The following UNC13D variants were observed in gnomAD, a reference collection of about 807,000 sequenced individuals.
UNC13D encodes the protein unc-13 homolog D, also known as protein unc-13 homolog D.
Under a neutral mutation model 151.7 loss-of-function variants are expected in UNC13D, and 115 were observed. The ratio of observed to expected loss-of-function variants is 0.76; its 90% confidence interval spans 0.65 to 0.88. The LOEUF is 0.88. UNC13D is among the 40% of genes least tolerant of loss of function. The pLI is 0.00. For synonymous variants in UNC13D, 588 were observed against 612.2 expected (o/e 0.96, Z 0.58); for missense variants, 1,369 against 1,438.7 (o/e 0.95, Z 0.78).
Position 75,839,871 on chromosome 17 carries a change from C to T in UNC13D, c.1023G>A (p.Gln341=). The T allele has an allele frequency of 6.2e-7, 1 of 1,613,932 alleles. No individual in the cohort carries two copies. The highest frequency in any genetic ancestry group is 1.3e-5 in the African/African-American group (1 of 75,038). Residue 341 remains glutamine, a synonymous_variant, in exon 12 of 32, where the codon CAG becomes CAA. Transcript: ENST00000207549. ...AATVLFLHAT[Q]KDLSDFHQSM... ...ACTGGTGGAAGTCGGATAGGTCCTT[C>T]TGTGTGGCGTGCAGAAAGAGGACGG...
Position 75,843,510 on chromosome 17 carries a change from G to C in UNC13D, c.127C>G (p.Pro43Ala). 3 of 1,611,646 alleles carry C rather than the reference G, an allele frequency of 1.9e-6. No individual in the cohort carries two copies. Among genetic ancestry groups the C allele is most frequent in the Non-Finnish European group, 2.5e-6 (3 of 1,179,444 alleles). ...TGCTCGGGGGAGAAGTGGTGGGATG[G>C]AGGCTGGATCTGCAGAGCAAGGTGG... Reference protein sequence around the residue: ...PPQMAPEIQPPSHHFSPEQRA... With the variant: ...PPQMAPEIQPASHHFSPEQRA... Residue 43 changes from proline (P) to alanine (A), a missense_variant, in exon 2 of 32, where the codon CCA becomes GCA. Pro to Ala is a conservative substitution (Grantham distance 27, BLOSUM62 -1). Coordinates refer to ENST00000207549, the MANE Select transcript of UNC13D (RefSeq NM_199242.3).
chr17:75,827,606 AG>A lies in UNC13D; in HGVS notation c.*358del. 1 of 1,532,118 alleles carries A rather than the reference AG, an allele frequency of 6.5e-7. No homozygotes were observed. The highest frequency in any genetic ancestry group is 8.7e-7 in the Non-Finnish European group (1 of 1,146,666). 94.9% of individuals were successfully genotyped at this position (1,532,118 alleles called of 1,614,324 possible). A position where few individuals can be genotyped will look rare whatever the true frequency, so the allele number is the denominator to read the frequency against. On this transcript the variant is annotated 3_prime_UTR_variant, in exon 32 of 32. Transcript: ENST00000207549. ...TGGCCCCCACCCCAGTGGCTGGAAC[AG>A]GAAGGCCAGGAGGCAGATGGGCCAG...
chr17:75,827,659 C>T lies in UNC13D; in HGVS notation c.*306G>A, dbSNP rs577926466. The stretch of plus-strand genomic sequence containing the variant: ...GCCAGGAGACAGATGGCCCAATCCC[C>T]TGCCCACCACAGCAGCTTTTCTGAG... On this transcript the variant is annotated 3_prime_UTR_variant, in exon 32 of 32. Transcript: ENST00000207549. The T allele has an allele frequency of 6.5e-6, 10 of 1,529,972 alleles. No individual in the cohort carries two copies. The South Asian group carries it at 1.1e-4, about 16-fold the overall frequency. 94.8% of individuals were successfully genotyped at this position (1,529,972 alleles called of 1,614,324 possible). A position where few individuals can be genotyped will look rare whatever the true frequency, so the allele number is the denominator to read the frequency against.
In UNC13D at chr17:75,836,119, C is replaced by G; in HGVS notation, c.1447-10G>C. 2.5e-6 allele frequency: 4 copies of G among 1,613,096 alleles called. No homozygotes were observed. Among genetic ancestry groups the G allele is most frequent in the Non-Finnish European group, 2.5e-6 (3 of 1,180,024 alleles). ...CTGCCTCCGGGATGCCCTGCAGAGA[C>G]AGAGGTGGGCTGGGCAGGGCTGCCA... On this transcript the variant is annotated splice_polypyrimidine_tract_variant and intron_variant, in intron 16 of 31. Coordinates refer to ENST00000207549, the MANE Select transcript of UNC13D (RefSeq NM_199242.3).
chr17:75,832,800 T>G lies in UNC13D; in HGVS notation c.2447+166A>C, dbSNP rs1171621948. On this transcript the variant is annotated intron_variant, in intron 25 of 31. Transcript: ENST00000207549. This position sits in a 1 kb window ranked among gnomAD's most constrained non-coding sequence, Gnocchi z 4.3. ...CACCTCCACCCCTCAGAACGGATGCTGAGGCCCAGGAAAGAGGGGCCGTGG... is the reference window on the plus strand; with the variant it reads ...CACCTCCACCCCTCAGAACGGATGCGGAGGCCCAGGAAAGAGGGGCCGTGG... 1 of 657,404 alleles carries G rather than the reference T, an allele frequency of 1.5e-6. No individual in the cohort carries two copies. Among genetic ancestry groups the G allele is most frequent in the Non-Finnish European group, 2.7e-6 (1 of 366,744 alleles). 40.7% of individuals were successfully genotyped at this position (657,404 alleles called of 1,614,324 possible). A position where few individuals can be genotyped will look rare whatever the true frequency, so the allele number is the denominator to read the frequency against.
Position 75,844,230 on chromosome 17 carries a change from C to T in UNC13D, c.108G>A (p.Met36Ile). ...VRDLQDPPPQMAPEIQPPSHH... is the reference protein window; with the variant it reads ...VRDLQDPPPQIAPEIQPPSHH... Reference sequence around the variant, plus strand: ...GTGAGGTCACTCCTACCTCCGGGGCCATTTGGGGCGGGGGATCCTGTAGAT... The same window carrying T: ...GTGAGGTCACTCCTACCTCCGGGGCTATTTGGGGCGGGGGATCCTGTAGAT... The change falls in exon 1 of 32, where the codon ATG becomes ATA. Residue 36 changes from methionine to isoleucine, a missense_variant. Transcript: ENST00000207549. 6.2e-7 allele frequency: 1 copy of T among 1,612,002 alleles called. No homozygotes were observed. The highest frequency in any genetic ancestry group is 1.7e-4 in the Middle Eastern group (1 of 6,056).
At position 75,827,358 on chromosome 17, in the gene UNC13D, G is replaced by A; in HGVS notation, c.*607C>T. On this transcript the variant is annotated 3_prime_UTR_variant, in exon 32 of 32. Transcript: ENST00000207549. Reference sequence around the variant, plus strand: ...CTGTCCTTTCTGCTTCCGTCTGTCTGTGCCAGCCCTGCCGCCTGCCAGCTC... The same window carrying A: ...CTGTCCTTTCTGCTTCCGTCTGTCTATGCCAGCCCTGCCGCCTGCCAGCTC... The A allele has an allele frequency of 8.1e-7, 1 of 1,232,386 alleles. No homozygotes were observed. The allele number at this position is 1,232,386 out of a possible 1,614,324, so 76.3% of individuals were successfully genotyped here.
rs200621516 is a variant in UNC13D, at chr17:75,835,439, C to T, written c.1818G>A (p.Ala606=). 5.0e-5 allele frequency: 81 copies of T among 1,612,928 alleles called. No homozygotes were observed. In the East Asian group the frequency reaches 1.3e-3, roughly 25 times the overall value. The change falls in exon 20 of 32, where the codon GCG becomes GCA. Residue 606 remains alanine, a synonymous_variant. Transcript: ENST00000207549. ...WLQKTYNEAL[A]RVQRAVQMDE... is the part of the protein sequence containing the mutation. ...CCATCTGCACAGCGCGCTGCACCCG[C>T]GCCAGGGCCTCGTTGTACGTCTTCT...
rs1314365989 is a variant in UNC13D at position 75,827,318 on chromosome 17, G to C, written c.*647C>G. 1.2e-5 allele frequency: 10 copies of C among 829,998 alleles called. No homozygotes were observed. Among genetic ancestry groups the C allele is most frequent in the Non-Finnish European group, 1.7e-5 (10 of 585,800 alleles). 51.4% of individuals were successfully genotyped at this position (829,998 alleles called of 1,614,324 possible). ...GTCCGGGGAGGGGGCGTGCGCAGCAGACACAGCAGCCAAACTGTCCTTTCT... is the reference window on the plus strand; with the variant it reads ...GTCCGGGGAGGGGGCGTGCGCAGCACACACAGCAGCCAAACTGTCCTTTCT... On this transcript the variant is annotated 3_prime_UTR_variant, in exon 32 of 32. Coordinates refer to ENST00000207549, the MANE Select transcript of UNC13D (RefSeq NM_199242.3).
Position 75,833,444 on chromosome 17 carries a change from T to TA in UNC13D, c.2368-400_2368-399insT, listed in dbSNP as rs1348178199. On this transcript the variant is annotated intron_variant, in intron 24 of 31. Transcript: ENST00000207549. This position sits in a 1 kb window ranked among gnomAD's most constrained non-coding sequence, Gnocchi z 4.0. ...CTCTGACACTTCTCAGCCGCTTCTC[T>TA]GTTTTAAATTTTCTCTGTAGACTTA... Among the ~76,000 whole-genome samples the TA allele has an allele frequency of 2.0e-5, 3 of 149,558 alleles. No individual in the cohort carries two copies. The highest frequency in any genetic ancestry group is 5.1e-5 in the African/African-American group (2 of 39,184).
Position 75,831,348 on chromosome 17 carries a change from G to C in UNC13D, c.2448C>G (p.Ser816Arg), listed in dbSNP as rs1567817198. The change falls in exon 26 of 32, where the codon AGC becomes AGG. Residue 816 changes from serine to arginine, a missense_variant and splice_region_variant. Ser to Arg is a moderately radical substitution (Grantham distance 110). Around this residue, in one of 3 missense-constraint regions of UNC13D, gnomAD observed 807 missense variants for 795.5 expected, o/e 1.01. Transcript: ENST00000207549. ...TGTGGGTCCAGAGCAGGGTCAGGAG[G>C]CTGGGGCGGGGCCGGAGGGATGCGG... The part of the protein sequence containing the change: ...NTNLVQENFS[S>R]LLTLLWTHTL... 5 of 1,594,396 alleles carry C rather than the reference G, an allele frequency of 3.1e-6. No homozygotes were observed. The highest frequency in any genetic ancestry group is 1.1e-5 in the South Asian group (1 of 90,836).
chr17:75,833,416 A>G lies in UNC13D; in HGVS notation c.2368-371T>C, dbSNP rs1599406048. 4.2e-6 allele frequency: 1 copy of G among 238,104 alleles called. No individual in the cohort carries two copies. Among genetic ancestry groups the G allele is most frequent in the East Asian group, 8.9e-5 (1 of 11,222 alleles). 14.7% of individuals were successfully genotyped at this position (238,104 alleles called of 1,614,324 possible). A position where few individuals can be genotyped will look rare whatever the true frequency, so the allele number is the denominator to read the frequency against. ...TCCCTGGCCACCATCTAAAAATACAACCCTCTGACACTTCTCAGCCGCTTC... is the reference window on the plus strand; with the variant it reads ...TCCCTGGCCACCATCTAAAAATACAGCCCTCTGACACTTCTCAGCCGCTTC... On this transcript the variant is annotated intron_variant, in intron 24 of 31. Transcript: ENST00000207549. This position sits in a 1 kb window ranked among gnomAD's most constrained non-coding sequence, Gnocchi z 4.0.
chr17:75,840,725 GC>G lies in UNC13D; in HGVS notation c.683+36del, dbSNP rs2064941881. 1.9e-6 allele frequency: 3 copies of G among 1,613,284 alleles called. No homozygotes were observed. The highest frequency in any genetic ancestry group is 1.1e-5 in the South Asian group (1 of 91,066). ...TGTTGGGGGATGGAGGGCAAAAGGAGCCCCAACCCCTTCCCTGTGAGCCCTG... is the reference window on the plus strand; with the variant it reads ...TGTTGGGGGATGGAGGGCAAAAGGAGCCCAACCCCTTCCCTGTGAGCCCTG... On this transcript the variant is annotated intron_variant, in intron 8 of 31. Transcript: ENST00000207549. This position sits in a 1 kb window ranked among gnomAD's most constrained non-coding sequence, Gnocchi z 4.6.
At chr17:75,828,700 C>T in intron 31 of UNC13D, 87 bp downstream of exon 31, 2 of 1,375,266 alleles carry the variant, frequency 1.5e-6, no homozygotes, top group Non-Finnish European at 1.9e-6. Flanking sequence ...AAGCTGTTCT[C>T]CGACCCTGGC....
chr17:75,840,121 G>A lies in UNC13D; in HGVS notation c.859-11C>T. On this transcript the variant is annotated splice_polypyrimidine_tract_variant and intron_variant, in intron 10 of 31. Coordinates refer to ENST00000207549, the MANE Select transcript of UNC13D (RefSeq NM_199242.3). This position sits in a 1 kb window ranked among gnomAD's most constrained non-coding sequence, Gnocchi z 4.6. The stretch of plus-strand genomic sequence containing the variant: ...GGCCGAAGTGGCTCTCTGCAATGAG[G>A]CCTCTGTGAGCAGACAGGGCCTCAC... 6.2e-7 allele frequency: 1 copy of A among 1,612,358 alleles called. No individual in the cohort carries two copies. The highest frequency in any genetic ancestry group is 8.5e-7 in the Non-Finnish European group (1 of 1,179,616).
chr17:75,843,604 C>T, intron 1 of UNC13D, 85 bp from the exon 2 acceptor site: 1 of 1,568,876 alleles, frequency 6.4e-7, no homozygotes, highest in Admixed American at 1.9e-5. Flanking sequence ...AGGCCTGATC[C>T]AGGCCAAGGG....
In UNC13D at chr17:75,836,072, A is replaced by G; in HGVS notation, c.1484T>C (p.Val495Ala). 6.2e-7 allele frequency: 1 copy of G among 1,613,774 alleles called. No homozygotes were observed. Among genetic ancestry groups the G allele is most frequent in the Non-Finnish European group, 8.5e-7 (1 of 1,180,018 alleles). Reference sequence around the variant, plus strand: ...GTGCAGGTCGCCAATGACATCCTGTACCAGGCCCAGCAAGGCCTTGCCTGC... The same window carrying G: ...GTGCAGGTCGCCAATGACATCCTGTGCCAGGCCCAGCAAGGCCTTGCCTGC... ...PEAGKALLGL[V>A]QDVIGDLHQC... Residue 495 changes from valine to alanine, a missense_variant, in exon 17 of 32, where the codon GTA becomes GCA. By Grantham distance (64) the Val-to-Ala change is moderately conservative (BLOSUM62 0). Transcript: ENST00000207549.
intron 25 of UNC13D, 35 bp from the exon 26 acceptor site, chr17:75,831,383 G>A (rs771857997): frequency 2.2e-5 from 34 of 1,581,124 alleles, no homozygotes; most frequent in Middle Eastern, 1.7e-4. Context: ...GACACAGCAC[G>A]GCAGGGCGGT....
rs774224810 is a variant in UNC13D, at chr17:75,840,372, T to G, written c.754-43A>C. On this transcript the variant is annotated intron_variant, in intron 9 of 31. Transcript: ENST00000207549. The surrounding 1 kb of genome is among the most constrained non-coding windows in gnomAD (Gnocchi z 4.6). ...CCAGCCCGTGAGCGTCAGAACCTCA[T>G]AGAGTCGGGGCAGCGGAGGCGACAG... The G allele has an allele frequency of 1.9e-6, 3 of 1,609,964 alleles. No homozygotes were observed. The highest frequency in any genetic ancestry group is 8.5e-7 in the Non-Finnish European group (1 of 1,177,510).
Sources: gnomAD v4.1 joint callset for allele counts (sites outside exome capture counted in the v4.1 genomes callset) on GRCh38, gnomAD v4.1.1 for gene constraint, gnomAD v4.1.1 regional missense constraint, Gnocchi (gnomAD v3.1) non-coding constraint, MANE v1.5 for transcripts, NCBI Gene and HGNC (gene_info 2026-07-23, HGNC 2026-07-21) for gene names.